The following CUL2 variants were observed in gnomAD, a reference collection of about 807,000 sequenced individuals.
The protein encoded by CUL2 is cullin-2.
Under a neutral mutation model 110.2 loss-of-function variants are expected in CUL2, and 22 were observed. The ratio of observed to expected loss-of-function variants is 0.20; its 90% CI spans 0.14 to 0.28. The LOEUF is 0.28. CUL2 is among the 10% of genes least tolerant of loss of function. The pLI is 1.00. For missense variants in CUL2, 631 were observed against 905.5 expected (o/e 0.70, Z 3.89); for synonymous variants, 279 against 293.2 (o/e 0.95, Z 0.49).
chr10:35,116,667 G>C (rs1392401429), intron 1 of CUL2, among the ~76,000 whole-genome samples: 4 of 152,068 alleles, frequency 2.6e-5, no homozygotes, highest in Non-Finnish European at 5.9e-5. Context: ...TCAGTACTCA[G>C]TAAATATTAG....
intron 3 of CUL2, among the ~76,000 whole-genome samples, chr10:35,061,380 C>T (rs1482117328): frequency 6.7e-6 from 1 of 148,572 alleles, no homozygotes; most frequent in Non-Finnish European, 1.5e-5. Flanking sequence ...GAAGTTGAGG[C>T]AGGAGAATCA....
At chr10:35,086,374 A>G (rs1201298868) in intron 1 of CUL2, among the ~76,000 whole-genome samples, 1 of 151,796 alleles carries the variant, frequency 6.6e-6, no homozygotes, top group Non-Finnish European at 1.5e-5. Context: ...TGCAGCCTCC[A>G]CCTCCTGGGT....
intron 1 of CUL2, among the ~76,000 whole-genome samples, chr10:35,103,686 C>G (rs1454762265): frequency 2.6e-5 from 4 of 152,040 alleles, no homozygotes; most frequent in African/African-American, 4.8e-5. Flanking sequence ...TCTCGAACAC[C>G]TGACCTCAAG....
rs778685967 is a variant in CUL2 at position 35,011,940 on chromosome 10, C to T, written c.2014G>A (p.Val672Ile). 1.9e-6 allele frequency: 3 copies of T among 1,608,576 alleles called. No individual in the cohort carries two copies. Among genetic ancestry groups the T allele is most frequent in the South Asian group, 2.2e-5 (2 of 90,636 alleles). ...AGATACATTTTCCGGTCCTCATCAA[C>T]TGCACTTCTAGTCTGCTCCATTTCC... is the stretch of plus-strand genomic sequence containing the variant. ...PQEMEQTRSAVDEDRKMYLQA... is the reference protein window; with the variant it reads ...PQEMEQTRSAIDEDRKMYLQA... The change falls in exon 20 of 21, where the codon GTT becomes ATT. Residue 672 changes from valine (V) to isoleucine (I), a missense_variant. Around this residue, in one of 3 missense-constraint regions of CUL2, gnomAD observed 159 missense variants for 202.7 expected, o/e 0.78. Transcript: ENST00000374749.
intron 2 of CUL2, among the ~76,000 whole-genome samples, chr10:35,100,551 C>A (rs974089327): frequency 1.3e-5 from 2 of 152,020 alleles, no homozygotes; most frequent in Non-Finnish European, 2.9e-5. Flanking sequence ...CACTTGAGGT[C>A]AGGAATTTAA....
At chr10:35,060,488 A>G (rs1390609664) in intron 4 of CUL2, among the ~76,000 whole-genome samples, 1 of 152,204 alleles carries the variant, frequency 6.6e-6, no homozygotes, top group Non-Finnish European at 1.5e-5. Flanking sequence ...TCAAACATAA[A>G]ATACTGAATG....
At chr10:35,068,890 G>A (rs747886896) in intron 2 of CUL2, among the ~76,000 whole-genome samples, 4 of 151,900 alleles carry the variant, frequency 2.6e-5, no homozygotes, top group African/African-American at 7.3e-5. Context: ...TTTTTGAAAC[G>A]GAGCCTTGCT....
At chr10:35,039,433 A>G (rs1405585895) in intron 8 of CUL2, among the ~76,000 whole-genome samples, 1 of 152,252 alleles carries the variant, frequency 6.6e-6, no homozygotes, top group Non-Finnish European at 1.5e-5. Flanking sequence ...CTCTGTTATG[A>G]ATAACTATCA....
chr10:35,108,723 C>T (rs188427894), intron 1 of CUL2, among the ~76,000 whole-genome samples: 211 of 152,220 alleles, frequency 1.4e-3, no homozygotes, highest in Non-Finnish European at 2.5e-3. Context: ...AAAGTATTGG[C>T]CTGGGCTACA....
At chr10:35,080,377 C>T (rs1468342308) in intron 1 of CUL2, among the ~76,000 whole-genome samples, 1 of 152,060 alleles carries the variant, frequency 6.6e-6, no homozygotes, top group Non-Finnish European at 1.5e-5. Flanking sequence ...CCACAGAGCT[C>T]TAAGTACTCC....
intron 8 of CUL2, among the ~76,000 whole-genome samples, chr10:35,039,923 T>G (rs906964206): frequency 2.6e-5 from 4 of 151,794 alleles, no homozygotes; most frequent in East Asian, 1.9e-4. Flanking sequence ...GAGGCCGAGG[T>G]GGGTGGATCA....
In CUL2 at chr10:35,013,686, TA is replaced by T; in HGVS notation, c.1989+12del. The T allele has an allele frequency of 6.6e-7, 1 of 1,525,430 alleles. No homozygotes were observed. The highest frequency in any genetic ancestry group is 1.2e-5 in the South Asian group (1 of 80,866). The allele number at this position is 1,525,430 out of a possible 1,614,324, so 94.5% of individuals were successfully genotyped here. On this transcript the variant is annotated intron_variant, in intron 19 of 20. Coordinates refer to ENST00000374749, the MANE Select transcript of CUL2 (RefSeq NM_003591.4). Reference sequence around the variant, plus strand: ...TTCCCCCTCAAAAAAAACTTGACATTAAAAGCACTTACTTGTGGTGTGTCTT... The same window carrying T: ...TTCCCCCTCAAAAAAAACTTGACATTAAAGCACTTACTTGTGGTGTGTCTT...
chr10:35,019,442 C>G (rs529980380), intron 17 of CUL2, among the ~76,000 whole-genome samples: 2 of 152,116 alleles, frequency 1.3e-5, no homozygotes, highest in South Asian at 4.1e-4. Context: ...TAGCACCATA[C>G]TCTTACTGAA....
At chr10:35,067,335 G>A (rs938604129) in intron 2 of CUL2, among the ~76,000 whole-genome samples, 1 of 152,182 alleles carries the variant, frequency 6.6e-6, no homozygotes, top group Non-Finnish European at 1.5e-5. Flanking sequence ...ACATTATGCT[G>A]CTGGAGTCTG....
intron 2 of CUL2, among the ~76,000 whole-genome samples, chr10:35,066,120 G>C (rs186178430): frequency 2.0e-5 from 3 of 152,098 alleles, no homozygotes; most frequent in African/African-American, 7.2e-5. Context: ...TGTTTCCTAC[G>C]CTTGGCTTAA....
intron 1 of CUL2, among the ~76,000 whole-genome samples, chr10:35,088,033 C>A (rs747752441): frequency 6.6e-6 from 1 of 152,186 alleles, no homozygotes; most frequent in Non-Finnish European, 1.5e-5. Flanking sequence ...AAAACTGTTC[C>A]CTCAGAATTT....
At chr10:35,013,645 T>TGTTTAATTA (rs2084957710) in intron 19 of CUL2, 54 bp downstream of exon 19, 1 of 1,147,104 alleles carries the variant, frequency 8.7e-7, no homozygotes, top group African/African-American at 1.5e-5. Context: ...ACTTGTAAAG[T>TGTTTAATTA]CCAATGCTTA....
Position 35,087,446 on chromosome 10 carries a change from C to T in CUL2, c.-23+2733G>A, listed in dbSNP as rs578007603. Among the ~76,000 whole-genome samples, 3 of 152,340 alleles carry T rather than the reference C, an allele frequency of 2.0e-5. No individual in the cohort carries two copies. The East Asian group carries it at 5.8e-4, about 29-fold the overall frequency. On this transcript the variant is annotated intron_variant, in intron 1 of 20. Transcript: ENST00000374749. ...CCACACATCTGGTTTAAAGCTGGTG[C>T]TTGAGAAGCCCTCGTTGGATGGCTG...
chr10:35,105,287 G>A (rs1341611528), intron 1 of CUL2, among the ~76,000 whole-genome samples: 3 of 151,848 alleles, frequency 2.0e-5, no homozygotes, highest in Admixed American at 1.3e-4. Context: ...TTAGCCGGGC[G>A]TGGTGGCCGG....
Sources: gnomAD v4.1 joint callset for allele counts (sites outside exome capture counted in the v4.1 genomes callset) on GRCh38, gnomAD v4.1.1 for gene constraint, gnomAD v4.1.1 regional missense constraint, MANE v1.5 for transcripts, NCBI Gene and HGNC (gene_info 2026-07-23, HGNC 2026-07-21) for gene names.